The following SYT2 variants were observed in gnomAD, a reference collection of about 807,000 sequenced individuals.
SYT2 encodes the protein synaptotagmin 2.
A neutral mutation model predicts 39.9 loss-of-function variants in SYT2; 15 were observed. The ratio of observed to expected loss-of-function variants is 0.38; its 90% CI spans 0.25 to 0.58. The LOEUF (loss-of-function observed/expected upper bound fraction) is 0.58, where lower values mean the gene tolerates loss of function less well. Among genes scored for constraint, SYT2 ranks in the 20% least tolerant of loss-of-function variants. The pLI is 0.70. For missense variants in SYT2, 389 were observed against 530.3 expected, an observed-to-expected ratio of 0.73 and a Z score of 2.62; for synonymous variants, 181 against 204.5, an observed-to-expected ratio of 0.89 and a Z score of 0.98.
rs143881357 is a variant in SYT2 at position 202,638,019 on chromosome 1, G to A, written c.-17-32230C>T. Among the ~76,000 whole-genome samples, 562 of 152,318 alleles carry A rather than the reference G, an allele frequency of 3.7e-3. 3 individuals are homozygous for A. The highest frequency in any genetic ancestry group is 0.013 in the African/African-American group (537 of 41,562). On this transcript the variant is annotated intron_variant, in intron 1 of 8. Coordinates refer to ENST00000367268, the MANE Select transcript of SYT2 (RefSeq NM_177402.5). Reference sequence around the variant, plus strand: ...ATTTGCCAACAGCGGGCAATTCCCCGGTAGGAAGTCCTTCCTTGTACCTCA... The same window carrying A: ...ATTTGCCAACAGCGGGCAATTCCCCAGTAGGAAGTCCTTCCTTGTACCTCA...
chr1:202,708,945 G>A (rs1366915468), intron 1 of SYT2, among the ~76,000 whole-genome samples: 1 of 152,218 alleles, frequency 6.6e-6, no homozygotes, highest in African/African-American at 2.4e-5. Context: ...CTCTAATGAA[G>A]TGCCAGGTTA....
chr1:202,670,863 C>A (rs980153533), intron 1 of SYT2, among the ~76,000 whole-genome samples: 2 of 152,224 alleles, frequency 1.3e-5, no homozygotes, highest in Non-Finnish European at 2.9e-5. Flanking sequence ...ACACAGCCAT[C>A]GGTATCATTG....
intron 1 of SYT2, among the ~76,000 whole-genome samples, chr1:202,617,188 GC>G (rs1476525953): frequency 6.6e-6 from 1 of 152,074 alleles, no homozygotes; most frequent in Admixed American, 6.5e-5. Context: ...TATATGCTGT[GC>G]CCCCTTCAAG....
chr1:202,665,414 C>A (rs935330570), intron 1 of SYT2, among the ~76,000 whole-genome samples: 2 of 152,164 alleles, frequency 1.3e-5, no homozygotes, highest in Non-Finnish European at 2.9e-5. Flanking sequence ...TGACAAGGCG[C>A]CTGACCTCAA....
chr1:202,662,888 A>G (rs1282746453), intron 1 of SYT2, among the ~76,000 whole-genome samples: 1 of 152,236 alleles, frequency 6.6e-6, no homozygotes, highest in Non-Finnish European at 1.5e-5. Flanking sequence ...TCCCAGGCAC[A>G]TAGTAAATTG....
At chr1:202,693,004 T>G (rs775884554) in intron 1 of SYT2, among the ~76,000 whole-genome samples, 1 of 152,198 alleles carries the variant, frequency 6.6e-6, no homozygotes, top group Non-Finnish European at 1.5e-5. Context: ...TTTAAAAATT[T>G]CAATAGGTTT....
chr1:202,647,558 C>T (rs1007007045), intron 1 of SYT2, among the ~76,000 whole-genome samples: 3 of 152,130 alleles, frequency 2.0e-5, no homozygotes, highest in South Asian at 4.1e-4. Flanking sequence ...TGCTGGAAAC[C>T]TCACCCCTGC....
chr1:202,674,056 A>G (rs1653262022), intron 1 of SYT2, among the ~76,000 whole-genome samples: 1 of 152,060 alleles, frequency 6.6e-6, no homozygotes, highest in Non-Finnish European at 1.5e-5. Flanking sequence ...TTGTGTGGGT[A>G]TGTGTGTGAA....
intron 1 of SYT2, among the ~76,000 whole-genome samples, chr1:202,641,606 A>G (rs1161483651): frequency 1.3e-5 from 2 of 152,226 alleles, no homozygotes; most frequent in African/African-American, 4.8e-5. Flanking sequence ...TCCAAAAAGG[A>G]GTTAGATTAG....
chr1:202,698,625 T>C (rs1266480046), intron 1 of SYT2, among the ~76,000 whole-genome samples: 2 of 152,114 alleles, frequency 1.3e-5, no homozygotes, highest in Non-Finnish European at 2.9e-5. Context: ...GTCCAGACTC[T>C]CCATCCAGCT....
At chr1:202,629,875 G>GC (rs1403492571) in intron 1 of SYT2, among the ~76,000 whole-genome samples, 3 of 125,150 alleles carry the variant, frequency 2.4e-5, no homozygotes, top group Middle Eastern at 3.6e-3. Context: ...GGTGGGGGGG[G>GC]GGGGGTGGTA....
At chr1:202,656,829 C>A (rs921552310) in intron 1 of SYT2, among the ~76,000 whole-genome samples, 1 of 152,236 alleles carries the variant, frequency 6.6e-6, no homozygotes, top group African/African-American at 2.4e-5. Flanking sequence ...GCTCTTCCCA[C>A]TGTTTGGACA....
intron 1 of SYT2, among the ~76,000 whole-genome samples, chr1:202,677,777 T>C (rs1224716284): frequency 6.6e-6 from 1 of 152,214 alleles, no homozygotes; most frequent in Non-Finnish European, 1.5e-5. Flanking sequence ...TTATGAAATA[T>C]GAACAGCAAA....
intron 1 of SYT2, among the ~76,000 whole-genome samples, chr1:202,625,582 G>A (rs1329663505): frequency 6.6e-5 from 10 of 152,066 alleles, no homozygotes; most frequent in Non-Finnish European, 1.3e-4. Context: ...CCTGCGGCCC[G>A]TTGAGGAGAC....
chr1:202,708,190 G>T (rs1287694757), intron 1 of SYT2, among the ~76,000 whole-genome samples: 2 of 152,070 alleles, frequency 1.3e-5, no homozygotes, highest in African/African-American at 4.8e-5. Flanking sequence ...GCGGATGTCA[G>T]ACCCCAAAGC....
At chr1:202,670,512 TA>T (rs1216567355) in intron 1 of SYT2, among the ~76,000 whole-genome samples, 3 of 152,038 alleles carry the variant, frequency 2.0e-5, no homozygotes, top group South Asian at 2.1e-4. Flanking sequence ...CTTCAGTCAT[TA>T]AATGTCTAGA....
rs1343833482 is a variant in SYT2, at chr1:202,710,302, T to C, written c.-62A>G. The C allele has an allele frequency of 2.0e-5, 3 of 151,760 alleles. No individual in the cohort carries two copies. The highest frequency in any genetic ancestry group is 6.6e-5 in the Admixed American group (1 of 15,256). The allele number at this position is 151,760 out of a possible 1,614,324, so 9.4% of individuals were successfully genotyped here. ...GGCGGGAGAGATCCGGGGTCTCCAA[T>C]GTGAGGGGGCGTCGGACGGCAAGGA... On this transcript the variant is annotated 5_prime_UTR_variant, in exon 1 of 9. Transcript: ENST00000367268.
intron 1 of SYT2, chr1:202,627,511 G>A (rs1346061471): frequency 2.2e-5 from 22 of 985,252 alleles, no homozygotes; most frequent in Admixed American, 6.1e-5. Context: ...TGGGTGGGGT[G>A]TGGACGGGCA....
chr1:202,664,347 C>G (rs889790414), intron 1 of SYT2, among the ~76,000 whole-genome samples: 1 of 152,210 alleles, frequency 6.6e-6, no homozygotes, highest in Non-Finnish European at 1.5e-5. Flanking sequence ...CAGTCTCCAT[C>G]ATTGGCCTCA....
Sources: allele counts gnomAD v4.1 joint callset (sites outside exome capture counted in the v4.1 genomes callset), GRCh38; gene constraint gnomAD v4.1.1; transcripts MANE v1.5; gene names NCBI Gene and HGNC (gene_info 2026-07-23, HGNC 2026-07-21).